EYA2: variants seen among roughly 807,000 people sequenced by gnomAD.
EYA2 encodes protein phosphatase EYA2.
EYA2 carries 31 observed loss-of-function variants against 69.2 expected under a neutral mutation model. That is an observed-to-expected ratio of 0.45 (90% CI 0.34 to 0.60). The LOEUF is 0.60. Ranked by LOEUF, EYA2 falls within the 20% of genes least tolerant of loss-of-function variation. EYA2 has a pLI of 0.02. For missense variants in EYA2, 622 were observed against 701.2 expected (o/e 0.89, Z 1.28); for synonymous variants, 257 against 279.4 (o/e 0.92, Z 0.80).
chr20:47,001,572 G>A, intron 3 of EYA2, 99 bp downstream of exon 3: 1 of 1,259,398 alleles, frequency 7.9e-7, no homozygotes, highest in South Asian at 1.2e-5. Flanking sequence ...AGATTCCCTG[G>A]ATAGGAATCC....
chr20:47,103,170 T>G (rs774289448), intron 9 of EYA2, among the ~76,000 whole-genome samples: 2 of 152,186 alleles, frequency 1.3e-5, no homozygotes, highest in Non-Finnish European at 2.9e-5. Flanking sequence ...TTTAGTATAT[T>G]CACAGAGTTG....
intron 7 of EYA2, among the ~76,000 whole-genome samples, chr20:47,085,267 C>G (rs2031858474): frequency 6.6e-6 from 1 of 152,120 alleles, no homozygotes; most frequent in African/African-American, 2.4e-5. Context: ...GAACTGAAAA[C>G]TAGAATCAAC....
chr20:47,047,231 A>G lies in EYA2; in HGVS notation c.416-24954A>G, dbSNP rs532162344. Among the ~76,000 whole-genome samples, 155 of 152,202 alleles carry G rather than the reference A, an allele frequency of 1.0e-3. 2 individuals are homozygous for G. The highest frequency in any genetic ancestry group is 3.3e-3 in the African/African-American group (135 of 41,530). On this transcript the variant is annotated intron_variant, in intron 5 of 15. Transcript: ENST00000327619. ...CTGGGAGTGAGCAGTTCCCCATTAA[A>G]CGTGGGCATGCATGAATGAGTGCGT...
At chr20:47,040,957 C>T (rs1010403679) in intron 5 of EYA2, among the ~76,000 whole-genome samples, 2 of 152,196 alleles carry the variant, frequency 1.3e-5, no homozygotes, top group African/African-American at 2.4e-5. Context: ...TCACAGAACA[C>T]GTGAGGCTCC....
intron 1 of EYA2, among the ~76,000 whole-genome samples, chr20:46,922,445 C>A (rs527611294): frequency 6.6e-6 from 1 of 152,234 alleles, no homozygotes; most frequent in South Asian, 2.1e-4. Flanking sequence ...CTAGGGGCAC[C>A]GATTGTTTCA....
intron 9 of EYA2, among the ~76,000 whole-genome samples, chr20:47,109,753 A>T (rs948525143): frequency 6.6e-6 from 1 of 152,106 alleles, no homozygotes; most frequent in African/African-American, 2.4e-5. Flanking sequence ...ATAGTTTTTA[A>T]CCAGAGGAAG....
chr20:47,172,825 C>T lies in EYA2; in HGVS notation c.1156C>T (p.Arg386Trp), dbSNP rs1408577147. The stretch of plus-strand genomic sequence containing the variant: ...GAGGAAGCTGGCCTTCCGCTACCGG[C>T]GGGTGAAGGAGATGTACAATACCTA... ...WMRKLAFRYR[R>W]VKEMYNTYKN... Residue 386 changes from arginine to tryptophan, a missense_variant, in exon 12 of 16, where the codon CGG becomes TGG. Around this residue, in one of 2 missense-constraint regions of EYA2, gnomAD observed 257 missense variants for 351.5 expected, o/e 0.73. Coordinates refer to ENST00000327619, the MANE Select transcript of EYA2 (RefSeq NM_005244.5). 4 of 1,613,902 alleles carry T rather than the reference C, an allele frequency of 2.5e-6. No homozygotes were observed. Among genetic ancestry groups the T allele is most frequent in the Admixed American group, 1.7e-5 (1 of 60,012 alleles).
intron 1 of EYA2, among the ~76,000 whole-genome samples, chr20:46,924,733 A>G (rs941638135): frequency 6.6e-6 from 1 of 151,160 alleles, no homozygotes; most frequent in Non-Finnish European, 1.5e-5. Context: ...GGCAGTAACC[A>G]GAATAAACCC....
At chr20:47,125,047 GTTTTTTTT>G (rs11478823) in intron 9 of EYA2, among the ~76,000 whole-genome samples, 1 of 88,396 alleles carries the variant, frequency 1.1e-5, no homozygotes, top group Non-Finnish European at 2.3e-5. Flanking sequence ...TTTTGGTTAA[GTTTTTTTT>G]TTTTTTTTTT....
chr20:46,955,227 C>A (rs181742764), intron 1 of EYA2, among the ~76,000 whole-genome samples: 66 of 151,976 alleles, frequency 4.3e-4, no homozygotes, highest in African/African-American at 1.5e-3. Context: ...GCCTCCGCCT[C>A]CTGGGTTCAA....
intron 9 of EYA2, among the ~76,000 whole-genome samples, chr20:47,102,259 A>G (rs8115259): frequency 0.032 from 4,924 of 152,232 alleles, 147 homozygotes; most frequent in African/African-American, 0.08. Context: ...CCATATGCCA[A>G]CCTCTGTAGC....
chr20:47,157,362 A>G (rs113780747), intron 10 of EYA2, among the ~76,000 whole-genome samples: 3 of 143,966 alleles, frequency 2.1e-5, no homozygotes, highest in Admixed American at 2.0e-4. Flanking sequence ...TCAAAAAAAA[A>G]AAAAAAAAAA....
intron 7 of EYA2, among the ~76,000 whole-genome samples, chr20:47,079,433 G>A (rs1276699659): frequency 2.6e-5 from 4 of 152,106 alleles, no homozygotes; most frequent in Admixed American, 2.6e-4. Context: ...CTTGGCTCAT[G>A]ACCCTGCATC....
chr20:47,105,199 G>A (rs551390368), intron 9 of EYA2, among the ~76,000 whole-genome samples: 1 of 152,312 alleles, frequency 6.6e-6, no homozygotes, highest in African/African-American at 2.4e-5. Context: ...CTTATGACCA[G>A]TCTTGACCTT....
intron 5 of EYA2, among the ~76,000 whole-genome samples, chr20:47,035,078 G>A (rs1386583288): frequency 1.3e-5 from 2 of 152,200 alleles, no homozygotes; most frequent in Admixed American, 1.3e-4. Context: ...GATGAACATA[G>A]CCTTTCAAGG....
chr20:47,120,392 T>C (rs1177401111), intron 9 of EYA2, among the ~76,000 whole-genome samples: 1 of 152,078 alleles, frequency 6.6e-6, no homozygotes, highest in African/African-American at 2.4e-5. Flanking sequence ...AAGGGTTTAT[T>C]TTCAGTGCTA....
Position 47,074,284 on chromosome 20 carries a change from C to T in EYA2, c.610C>T (p.Leu204Phe). 1 of 1,614,178 alleles carries T rather than the reference C, an allele frequency of 6.2e-7. No individual in the cohort carries two copies. Among genetic ancestry groups the T allele is most frequent in the Non-Finnish European group, 8.5e-7 (1 of 1,180,016 alleles). ...PSPLSTSTYVLQEASHNVPNQ... is the reference protein window; with the variant it reads ...PSPLSTSTYVFQEASHNVPNQ... ...GCCCCTCTCCACGTCCACCTACGTC[C>T]TCCAGGAGGCATCTCACAACGTCCC... The change falls in exon 7 of 16, where the codon CTC becomes TTC. Residue 204 changes from leucine (L) to phenylalanine (F), a missense_variant. By Grantham distance (22) the Leu-to-Phe change is conservative. Coordinates refer to ENST00000327619, the MANE Select transcript of EYA2 (RefSeq NM_005244.5).
At chr20:47,036,578 G>C (rs887319502) in intron 5 of EYA2, among the ~76,000 whole-genome samples, 3 of 152,170 alleles carry the variant, frequency 2.0e-5, no homozygotes, top group African/African-American at 7.2e-5. Context: ...CACTTGCTTC[G>C]TAATATTGGA....
At chr20:47,008,025 G>C (rs73307606) in intron 4 of EYA2, among the ~76,000 whole-genome samples, 7,217 of 152,220 alleles carry the variant, frequency 0.047, 495 homozygotes, top group African/African-American at 0.15. Context: ...ATGAAGCCTG[G>C]AGCAGGAAAT....
Sources: gnomAD v4.1 joint callset for allele counts (sites outside exome capture counted in the v4.1 genomes callset) on GRCh38, gnomAD v4.1.1 for gene constraint, gnomAD v4.1.1 regional missense constraint, MANE v1.5 for transcripts, NCBI Gene and HGNC (gene_info 2026-07-23, HGNC 2026-07-21) for gene names.